The following DNMBP variants were observed in gnomAD, a reference collection of about 807,000 sequenced individuals.
DNMBP encodes dynamin binding protein.
DNMBP carries 87 observed loss-of-function variants against 150.0 expected under a neutral mutation model. The observed-to-expected ratio is 0.58, with a 90% CI of 0.49 to 0.69. DNMBP has a LOEUF of 0.69. Among genes scored for constraint, DNMBP ranks in the 30% least tolerant of loss-of-function variants. The pLI, the probability that DNMBP is intolerant of heterozygous loss-of-function variation, is 0.00. For missense variants in DNMBP, 1,774 were observed against 1,949.0 expected (o/e 0.91, Z 1.69); for synonymous variants, 711 against 750.4 (o/e 0.95, Z 0.86).
intron 10 of DNMBP, among the ~76,000 whole-genome samples, 161 bp from the exon 11 acceptor site, chr10:99,895,211 C>A (rs1235488689): frequency 1.3e-5 from 2 of 150,876 alleles, no homozygotes; most frequent in South Asian, 2.1e-4. Flanking sequence ...ACTGCAACCT[C>A]CGCCTCCTGG....
intron 4 of DNMBP, among the ~76,000 whole-genome samples, chr10:99,911,703 GTAT>G (rs1034244472): frequency 2.0e-5 from 3 of 152,198 alleles, no homozygotes; most frequent in East Asian, 1.9e-4. Flanking sequence ...TGTATATTTG[GTAT>G]TATTCAAAAT....
chr10:99,955,546 C>T lies in DNMBP; in HGVS notation c.1928G>A (p.Arg643His), dbSNP rs544922058. The T allele has an allele frequency of 3.6e-5, 57 of 1,598,388 alleles. No homozygotes were observed. In the East Asian group the frequency reaches 6.9e-4, roughly 19 times the overall value. ...TGCTGAGGGAGGCAGGGGAGCTGGG[C>T]GAGAGGGTCGCACCACCAAGGGTGG... ...PAPPLVVRPS[R>H]PAPLPPSAQQ... Residue 643 changes from arginine (R) to histidine (H), a missense_variant, in exon 4 of 17, where the codon CGC becomes CAC. Transcript: ENST00000324109.
chr10:100,000,753 G>A (rs1431560616), intron 1 of DNMBP, among the ~76,000 whole-genome samples: 1 of 150,826 alleles, frequency 6.6e-6, no homozygotes, highest in African/African-American at 2.4e-5. Context: ...GGTGGGCTTG[G>A]GTTATGAACA....
In DNMBP at chr10:99,956,766, C is replaced by T. The variant is rs781210803; in HGVS notation, c.708G>A (p.Gly236=). 1.1e-5 allele frequency: 18 copies of T among 1,614,052 alleles called. No homozygotes were observed. Among genetic ancestry groups the T allele is most frequent in the Non-Finnish European group, 1.4e-5 (17 of 1,180,022 alleles). The stretch of plus-strand genomic sequence containing the variant: ...CTGGCTCCTCCTCATCCTCATCCGG[C>T]CCTATCTCTTCTTCTCCTACAGGGG... The part of the protein sequence containing the change: ...VDTPVGEEEI[G]PDEDEEEPGT... The change falls in exon 4 of 17, where the codon GGG becomes GGA. Residue 236 remains glycine, a synonymous_variant. Coordinates refer to ENST00000324109, the MANE Select transcript of DNMBP (RefSeq NM_015221.4).
chr10:99,908,287 T>C (rs918644493), intron 5 of DNMBP, among the ~76,000 whole-genome samples, 193 bp from the exon 6 acceptor site: 11 of 152,220 alleles, frequency 7.2e-5, no homozygotes, highest in African/African-American at 2.4e-4. Context: ...GATCCAACTA[T>C]TCTCTGCCAC....
intron 1 of DNMBP, among the ~76,000 whole-genome samples, chr10:99,994,758 G>A (rs2040933492): frequency 6.6e-6 from 1 of 152,168 alleles, no homozygotes; most frequent in Non-Finnish European, 1.5e-5. Flanking sequence ...GTACTTCTAG[G>A]AAAAACATTG....
chr10:99,979,088 T>C (rs2040757554), intron 1 of DNMBP, among the ~76,000 whole-genome samples: 1 of 152,198 alleles, frequency 6.6e-6, no homozygotes, highest in Non-Finnish European at 1.5e-5. Flanking sequence ...AATTCATACA[T>C]TCAATGAATA....
At chr10:99,930,183 G>C (rs1249364743) in intron 4 of DNMBP, 2 of 702,960 alleles carry the variant, frequency 2.8e-6, no homozygotes, top group East Asian at 5.4e-5. Flanking sequence ...ATAAAAATTA[G>C]TTGCCCAACA....
intron 4 of DNMBP, among the ~76,000 whole-genome samples, chr10:99,949,664 T>A (rs914583803): frequency 6.6e-6 from 1 of 152,204 alleles, no homozygotes; most frequent in Admixed American, 6.5e-5. Context: ...TTTGGTGGAT[T>A]CAAATTTTAC....
chr10:99,957,502 G>A lies in DNMBP; in HGVS notation c.269-297C>T, dbSNP rs955923521. 5 of 358,392 alleles carry A rather than the reference G, an allele frequency of 1.4e-5. No homozygotes were observed. The Admixed American group carries it at 1.7e-4, about 12-fold the overall frequency. The allele number at this position is 358,392 out of a possible 1,614,324, so 22.2% of individuals were successfully genotyped here. A position where few individuals can be genotyped will look rare whatever the true frequency, so the allele number is the denominator to read the frequency against. On this transcript the variant is annotated intron_variant, in intron 3 of 16. Transcript: ENST00000324109. ...AGACTTTATCTACATATTTTACTCT[G>A]CTGACTTTTGTAATCTCTGTGAAAA... is the stretch of plus-strand genomic sequence containing the variant.
At chr10:99,893,163 G>A (rs1020802512) in intron 11 of DNMBP, among the ~76,000 whole-genome samples, 7 of 152,196 alleles carry the variant, frequency 4.6e-5, no homozygotes, top group Admixed American at 2.0e-4. Flanking sequence ...ATAACACTGA[G>A]TTAGCAAGGG....
At chr10:99,896,859 T>C (rs946953198) in intron 9 of DNMBP, among the ~76,000 whole-genome samples, 2 of 152,178 alleles carry the variant, frequency 1.3e-5, no homozygotes, top group Non-Finnish European at 2.9e-5. Flanking sequence ...TGTTAAACAT[T>C]AGGCACAACC....
chr10:100,001,542 G>A (rs1020920754), intron 1 of DNMBP, among the ~76,000 whole-genome samples: 5 of 147,792 alleles, frequency 3.4e-5, no homozygotes, highest in African/African-American at 1.3e-4. Context: ...ATCCTGAGTC[G>A]CTAGGACTAC....
In DNMBP at chr10:99,928,346, G is replaced by C. The variant is rs567042977; in HGVS notation, c.2261-19200C>G. 2.0e-5 allele frequency: 3 copies of C among 152,270 alleles called. No individual in the cohort carries two copies. In the South Asian group the frequency reaches 6.2e-4, roughly 32 times the overall value. The allele number at this position is 152,270 out of a possible 1,614,324, so 9.4% of individuals were successfully genotyped here. ...AGCCCATTCTGAAGGAGACCTAGAC[G>C]AGAAACTTTCTACTTAAGGGGAGGG... On this transcript the variant is annotated intron_variant, in intron 4 of 16. Transcript: ENST00000324109.
chr10:99,940,285 C>T (rs944186456), intron 4 of DNMBP, among the ~76,000 whole-genome samples: 5 of 152,166 alleles, frequency 3.3e-5, no homozygotes, highest in African/African-American at 7.2e-5. Flanking sequence ...GGACTTAAAT[C>T]CTGACTTTGC....
At chr10:99,971,111 A>G (rs192835246) in intron 2 of DNMBP, among the ~76,000 whole-genome samples, 3 of 152,172 alleles carry the variant, frequency 2.0e-5, no homozygotes, top group Admixed American at 1.3e-4. Flanking sequence ...AGCGGGTGAA[A>G]GACAAAGACT....
At chr10:99,986,311 T>C (rs2040826999) in intron 1 of DNMBP, among the ~76,000 whole-genome samples, 1 of 151,982 alleles carries the variant, frequency 6.6e-6, no homozygotes, top group African/African-American at 2.4e-5. Flanking sequence ...GGAGTTCATG[T>C]CCAGCCTGGG....
At chr10:99,970,468 C>T (rs1351191528) in intron 2 of DNMBP, among the ~76,000 whole-genome samples, 3 of 152,106 alleles carry the variant, frequency 2.0e-5, no homozygotes, top group African/African-American at 7.2e-5. Flanking sequence ...TAAGGGATAA[C>T]TTTAATAAAT....
At chr10:99,958,829 T>C (rs2040528470) in intron 3 of DNMBP, among the ~76,000 whole-genome samples, 1 of 152,222 alleles carries the variant, frequency 6.6e-6, no homozygotes, top group African/African-American at 2.4e-5. Flanking sequence ...CAAGATAGAT[T>C]AATGAATTTT....
Sources: allele counts gnomAD v4.1 joint callset (sites outside exome capture counted in the v4.1 genomes callset), GRCh38; gene constraint gnomAD v4.1.1; transcripts MANE v1.5; gene names NCBI Gene and HGNC (gene_info 2026-07-23, HGNC 2026-07-21).